Variants in UGT1A3 observed in about 807,000 individuals in gnomAD.
UGT1A3 encodes UDP glucuronosyltransferase family 1 member A3.
UGT1A3 carries 31 observed loss-of-function variants against 41.0 expected under a neutral mutation model. The ratio of observed to expected loss-of-function variants is 0.76; its 90% confidence interval spans 0.57 to 1.02. The LOEUF (loss-of-function observed/expected upper bound fraction) is 1.02, where lower values mean the gene tolerates loss of function less well. Ranked by LOEUF, UGT1A3 falls within the 50% of genes least tolerant of loss-of-function variation. The pLI, the probability that UGT1A3 is intolerant of heterozygous loss-of-function variation, is 0.00. For synonymous variants in UGT1A3, 262 were observed against 257.6 expected (o/e 1.02, Z -0.17); for missense variants, 737 against 671.0 (o/e 1.10, Z -1.09).
chr2:233,756,979 A>C (rs1394621821), intron 1 of UGT1A3, among the ~76,000 whole-genome samples: 3 of 152,152 alleles, frequency 2.0e-5, no homozygotes. Flanking sequence ...CGCAATGAAC[A>C]GTCATAGTAA....
chr2:233,768,401 T>C lies in UGT1A3; in HGVS notation c.1269T>C (p.Asp423=), dbSNP rs767318575. The change falls in exon 4 of 5, where the codon GAT becomes GAC. Residue 423 remains aspartate (D), a synonymous_variant. Coordinates refer to ENST00000482026, the MANE Select transcript of UGT1A3 (RefSeq NM_019093.4). ...TLNVLEMTSE[D]LENALKAVIN... is the part of the protein sequence containing the mutation. The stretch of plus-strand genomic sequence containing the variant: ...ATGTTCTGGAAATGACTTCTGAAGA[T>C]TTAGAAAATGCTCTAAAAGCAGTCA... 1 of 1,614,148 alleles carries C rather than the reference T, an allele frequency of 6.2e-7. No homozygotes were observed. The highest frequency in any genetic ancestry group is 1.3e-5 in the African/African-American group (1 of 75,034).
rs1700558646 is a variant in UGT1A3, at chr2:233,772,951, T to C, written c.*392T>C. The stretch of plus-strand genomic sequence containing the variant: ...AATCTTATCTTTTGGCTTCTGCAGA[T>C]GGTTGCAATTGATCCTTAACCAATA... On this transcript the variant is annotated 3_prime_UTR_variant, in exon 5 of 5. Transcript: ENST00000482026. 1 of 322,076 alleles carries C rather than the reference T, an allele frequency of 3.1e-6. No homozygotes were observed. Among genetic ancestry groups the C allele is most frequent in the South Asian group, 3.1e-5 (1 of 32,036 alleles). The allele number at this position is 322,076 out of a possible 1,614,324, so 20.0% of individuals were successfully genotyped here. A position where few individuals can be genotyped will look rare whatever the true frequency, so the allele number is the denominator to read the frequency against.
chr2:233,764,085 G>T (rs1214257017), intron 1 of UGT1A3, among the ~76,000 whole-genome samples: 1 of 152,154 alleles, frequency 6.6e-6, no homozygotes, highest in African/African-American at 2.4e-5. Flanking sequence ...CTAATTAAAA[G>T]CCTAAACTAA....
At chr2:233,767,620 G>T (rs555830057) in intron 2 of UGT1A3, among the ~76,000 whole-genome samples, 1 of 152,270 alleles carries the variant, frequency 6.6e-6, no homozygotes, top group South Asian at 2.1e-4. Flanking sequence ...TAAGTGCACA[G>T]CTTGATAAAT....
Position 233,772,346 on chromosome 2 carries a change from GT to G in UGT1A3, c.1395del (p.Phe465LeufsTer2), listed in dbSNP as rs773231664. The G allele has an allele frequency of 6.2e-7, 1 of 1,614,250 alleles. No individual in the cohort carries two copies. Among genetic ancestry groups the G allele is most frequent in the South Asian group, 1.1e-5 (1 of 91,090 alleles). ...PLDLAVFWVE[F>X]VMRHKGAPHL... ...TGGACCTGGCCGTGTTCTGGGTGGA[GT>G]TTGTGATGAGGCACAAGGGCGCGCC... On this transcript the variant is annotated frameshift_variant, in exon 5 of 5. Transcript: ENST00000482026. LOFTEE classifies it high-confidence loss of function.
intron 1 of UGT1A3, among the ~76,000 whole-genome samples, chr2:233,749,910 CTG>C: frequency 6.6e-6 from 1 of 152,052 alleles, no homozygotes; most frequent in Non-Finnish European, 1.5e-5. Context: ...CCACCTGGAA[CTG>C]TGAGTCAATT....
intron 1 of UGT1A3, chr2:233,754,798 C>T (rs781516183): frequency 6.4e-6 from 8 of 1,247,628 alleles, no homozygotes; most frequent in African/African-American, 6.1e-5. Context: ...AATCCTGTAT[C>T]AAAAGAAGAA....
At chr2:233,754,942 A>T in intron 1 of UGT1A3, 4 of 1,333,346 alleles carry the variant, frequency 3.0e-6, no homozygotes, top group Non-Finnish European at 4.0e-6. Flanking sequence ...TCAAAGGAGA[A>T]TGGGTCCCGG....
rs760988573 is a variant in UGT1A3 at position 233,729,268 on chromosome 2, T to G, written c.142T>G (p.Leu48Val). 3.1e-5 allele frequency: 50 copies of G among 1,613,984 alleles called. No homozygotes were observed. Among genetic ancestry groups the G allele is most frequent in the Non-Finnish European group, 3.5e-5 (41 of 1,179,938 alleles). ...CCACTGGCTCAGCATGCGGGAGGTC[T>G]TGCGGGAGCTCCATGCCAGAGGCCA... ...GSHWLSMREV[L>V]RELHARGHQA... The change falls in exon 1 of 5, where the codon TTG (leucine) becomes GTG (valine). Residue 48 changes from leucine (L) to valine (V), a missense_variant. Coordinates refer to ENST00000482026, the MANE Select transcript of UGT1A3 (RefSeq NM_019093.4).
intron 1 of UGT1A3, among the ~76,000 whole-genome samples, chr2:233,761,431 T>C (rs1333766106): frequency 6.6e-6 from 1 of 152,234 alleles, no homozygotes; most frequent in Non-Finnish European, 1.5e-5. Context: ...TTAAATGCCA[T>C]AGGCACAGAA....
chr2:233,737,637 G>A (rs1475956364), intron 1 of UGT1A3, among the ~76,000 whole-genome samples: 4 of 152,182 alleles, frequency 2.6e-5, no homozygotes, highest in Admixed American at 6.5e-5. Context: ...CATCTTCTGC[G>A]TCGATCATGC....
In UGT1A3 at chr2:233,772,400, C is replaced by T. The variant is rs1479735066; in HGVS notation, c.1446C>T (p.Leu482=). ...APHLRPAAHD[L]TWYQYHSLDV... is the part of the protein sequence containing the mutation. ...ACCTGCGCCCCGCAGCCCACGACCT[C>T]ACCTGGTACCAGTACCATTCCTTGG... Residue 482 remains leucine, a synonymous_variant, in exon 5 of 5, where the codon CTC becomes CTT. Transcript: ENST00000482026. 1 of 1,614,246 alleles carries T rather than the reference C, an allele frequency of 6.2e-7. No homozygotes were observed.
Position 233,744,108 on chromosome 2 carries a change from T to A in UGT1A3, c.867+14115T>A, listed in dbSNP as rs537609237. 59 of 394,748 alleles carry A rather than the reference T, an allele frequency of 1.5e-4. No individual in the cohort carries two copies. The East Asian group carries it at 2.4e-3, about 16-fold the overall frequency. The allele number at this position is 394,748 out of a possible 1,614,324, so 24.5% of individuals were successfully genotyped here. On this transcript the variant is annotated intron_variant, in intron 1 of 4. Coordinates refer to ENST00000482026, the MANE Select transcript of UGT1A3 (RefSeq NM_019093.4). ...GATGCAGTGCTTCTGGGACTGGCCC[T>A]GCTCTCTGTGAGGCTCTGTGAGGCC...
chr2:233,763,335 T>C (rs1344403817), intron 1 of UGT1A3, among the ~76,000 whole-genome samples: 2 of 152,244 alleles, frequency 1.3e-5, no homozygotes, highest in Non-Finnish European at 2.9e-5. Context: ...TTTGTTTACA[T>C]TTCCCTAGCA....
At chr2:233,772,199 A>T (rs1700481420) in intron 4 of UGT1A3, 63 bp from the exon 5 acceptor site, 2 of 1,605,338 alleles carry the variant, frequency 1.2e-6, no homozygotes, top group African/African-American at 1.3e-5. Flanking sequence ...AGCCATGAGC[A>T]TAAAGAGAGG....
At chr2:233,743,090 T>C in intron 1 of UGT1A3, 1 of 347,048 alleles carries the variant, frequency 2.9e-6, no homozygotes, top group South Asian at 2.3e-5. Context: ...TGTTTATAAA[T>C]TCTTGGGTAC....
At chr2:233,737,500 C>T (rs2078887926) in intron 1 of UGT1A3, among the ~76,000 whole-genome samples, 1 of 152,232 alleles carries the variant, frequency 6.6e-6, no homozygotes, top group South Asian at 2.1e-4. Flanking sequence ...ATCCCTCACC[C>T]TCTTGCACTT....
Position 233,769,688 on chromosome 2 carries a change from C to A in UGT1A3, c.1307+1249C>A, listed in dbSNP as rs1385163206. 2.6e-6 allele frequency: 4 copies of A among 1,552,874 alleles called. No homozygotes were observed. The African/African-American group carries it at 5.4e-5, about 21-fold the overall frequency. Reference sequence around the variant, plus strand: ...AGGTGCTAATGTGTGTGTGGTGGCACTGGATAAAAGATCAATGTTGGCTAG... The same window carrying A: ...AGGTGCTAATGTGTGTGTGGTGGCAATGGATAAAAGATCAATGTTGGCTAG... On this transcript the variant is annotated intron_variant, in intron 4 of 4. Coordinates refer to ENST00000482026, the MANE Select transcript of UGT1A3 (RefSeq NM_019093.4). This position sits in a 1 kb window ranked among gnomAD's most constrained non-coding sequence, Gnocchi z 4.4.
intron 1 of UGT1A3, chr2:233,738,901 C>A (rs1400656739): frequency 1.3e-5 from 2 of 152,162 alleles, no homozygotes; most frequent in Non-Finnish European, 2.9e-5. Context: ...TGCAGCAGAC[C>A]CTCCCATCAC....
Sources: gnomAD v4.1 joint callset for allele counts (sites outside exome capture counted in the v4.1 genomes callset) on GRCh38, gnomAD v4.1.1 for gene constraint, Gnocchi (gnomAD v3.1) non-coding constraint, MANE v1.5 for transcripts, NCBI Gene and HGNC (gene_info 2026-07-23, HGNC 2026-07-21) for gene names.